SYNPO: variants seen among roughly 807,000 people sequenced by gnomAD.
SYNPO encodes the protein synaptopodin.
A neutral mutation model predicts 49.5 loss-of-function variants in SYNPO; 19 were observed. The ratio of observed to expected loss-of-function variants is 0.38; its 90% CI spans 0.27 to 0.56. SYNPO has a LOEUF of 0.56. Among genes scored for constraint, SYNPO ranks in the 20% least tolerant of loss-of-function variants. SYNPO has a pLI of 0.68. For missense variants in SYNPO, 1,131 were observed against 1,248.3 expected, an observed-to-expected ratio of 0.91 and a Z score of 1.42; for synonymous variants, 536 against 548.0, an observed-to-expected ratio of 0.98 and a Z score of 0.31.
chr5:150,605,571 C>G (rs911115093), intron 1 of SYNPO, among the ~76,000 whole-genome samples: 1 of 152,052 alleles, frequency 6.6e-6, no homozygotes, highest in Admixed American at 6.5e-5. Flanking sequence ...GGGCCTCCTT[C>G]CCAGCTTCAC....
At chr5:150,643,929 C>A (rs747567021) in intron 1 of SYNPO, among the ~76,000 whole-genome samples, 9 of 152,026 alleles carry the variant, frequency 5.9e-5, no homozygotes, top group Non-Finnish European at 8.8e-5. Context: ...AATCCCAGCA[C>A]TTTGGGAGGC....
chr5:150,642,602 G>T (rs1188986151), intron 1 of SYNPO, among the ~76,000 whole-genome samples: 1 of 152,114 alleles, frequency 6.6e-6, no homozygotes, highest in African/African-American at 2.4e-5. Context: ...CTAGTCTGAG[G>T]AATTTTAGAT....
At chr5:150,636,015 G>A (rs1431148877), upstream of SYNPO, among the ~76,000 whole-genome samples, 1 of 152,090 alleles carries the variant, frequency 6.6e-6, no homozygotes, top group Non-Finnish European at 1.5e-5. Context: ...TATATCTCCA[G>A]TCCCTGCTTT....
At chr5:150,634,861 CACCA>C (rs1268746481) in intron 2 of SYNPO, among the ~76,000 whole-genome samples, 3 of 67,634 alleles carry the variant, frequency 4.4e-5, no homozygotes, top group African/African-American at 2.4e-4. Flanking sequence ...CACACACACA[CACCA>C]CACACACACA....
intron 1 of SYNPO, among the ~76,000 whole-genome samples, chr5:150,613,415 T>A (rs968288296): frequency 1.3e-5 from 2 of 152,202 alleles, no homozygotes; most frequent in Non-Finnish European, 2.9e-5. Context: ...TCATCCCCAG[T>A]GGTCCTGCCT....
intron 1 of SYNPO, 22 bp from the exon 2 acceptor site, chr5:150,647,922 G>T: frequency 6.5e-7 from 1 of 1,541,394 alleles, no homozygotes. Flanking sequence ...TTTGCTAACT[G>T]GGCTTTTGTC....
rs770867220 is a variant in SYNPO, at chr5:150,650,028, C to T, written c.1753C>T (p.Pro585Ser). ...TATCAAGGAGCCTGCCAAGGTCTCA[C>T]CAAGAGCTGCCTCGCCCGCCAAGCC... ...SPIKEPAKVS[P>S]RAASPAKPSS... Residue 585 changes from proline (P) to serine (S), a missense_variant, in exon 2 of 3, where the codon CCA (proline) becomes TCA (serine). Around this residue, in one of 4 missense-constraint regions of SYNPO, gnomAD observed 509 missense variants for 484.5 expected, o/e 1.05. Coordinates refer to ENST00000307662, the MANE Select transcript of SYNPO (RefSeq NM_007286.6). The T allele has an allele frequency of 4.3e-6, 7 of 1,612,478 alleles. No individual in the cohort carries two copies. The highest frequency in any genetic ancestry group is 1.3e-5 in the African/African-American group (1 of 74,940).
At chr5:150,615,863 C>T (rs1756969926) in intron 1 of SYNPO, among the ~76,000 whole-genome samples, 1 of 152,214 alleles carries the variant, frequency 6.6e-6, no homozygotes, top group African/African-American at 2.4e-5. Flanking sequence ...GAAGTCACTT[C>T]ACCTATCTGA....
chr5:150,591,815 C>T, the SYNPO span, among the ~76,000 whole-genome samples: 2 of 152,182 alleles, frequency 1.3e-5, no homozygotes, highest in African/African-American at 4.8e-5. Context: ...TAACAAGCGT[C>T]AGAGCTATGT....
chr5:150,604,669 GGCGACT>G (rs937706181), intron 1 of SYNPO, among the ~76,000 whole-genome samples: 1 of 152,200 alleles, frequency 6.6e-6, no homozygotes, highest in African/African-American at 2.4e-5. Flanking sequence ...GAGCTCACCA[GGCGACT>G]GCGTCTCAAC....
intron 2 of SYNPO, among the ~76,000 whole-genome samples, chr5:150,623,196 GT>G (rs945255452): frequency 3.3e-5 from 5 of 152,196 alleles, no homozygotes; most frequent in African/African-American, 1.2e-4. Context: ...TGAAAAGCAT[GT>G]TCTTTTCTCC....
intron 1 of SYNPO, among the ~76,000 whole-genome samples, chr5:150,604,734 G>A (rs995321775): frequency 6.7e-6 from 1 of 148,160 alleles, no homozygotes; most frequent in African/African-American, 2.7e-5. Flanking sequence ...TTCACGAGGT[G>A]GCGGCACAGA....
the SYNPO span, among the ~76,000 whole-genome samples, chr5:150,589,104 T>C: frequency 4.6e-5 from 7 of 151,156 alleles, no homozygotes; most frequent in East Asian, 1.4e-3. Flanking sequence ...CTGTGTTGCC[T>C]AGGCTGGAGT....
chr5:150,633,399 T>TTAGAGCAG (rs1561645725), intron 2 of SYNPO, among the ~76,000 whole-genome samples: 2 of 152,220 alleles, frequency 1.3e-5, no homozygotes, highest in Non-Finnish European at 2.9e-5. Context: ...TGGTAGTGTG[T>TTAGAGCAG]AGCGTTAGGG....
chr5:150,591,710 C>A, the SYNPO span, among the ~76,000 whole-genome samples: 3 of 152,116 alleles, frequency 2.0e-5, no homozygotes, highest in Non-Finnish European at 4.4e-5. Flanking sequence ...TACATAGTAA[C>A]CATGTAAATA....
intron 1 of SYNPO, among the ~76,000 whole-genome samples, chr5:150,615,929 G>A (rs913570627): frequency 2.6e-5 from 4 of 152,212 alleles, no homozygotes; most frequent in African/African-American, 4.8e-5. Context: ...CTCTCATAGG[G>A]TTGATGTGAG....
exon 2 of SYNPO, chr5:150,618,123 C>T: frequency 2.1e-6 from 1 of 473,434 alleles, no homozygotes; most frequent in Non-Finnish European, 3.7e-6. Flanking sequence ...AGCGGCCTCA[C>T]ACCAGAGACG....
At position 150,623,575 on chromosome 5, in the gene SYNPO, C is replaced by T. The variant is rs575405197; in HGVS notation, c.400+4808C>T. 5.3e-5 allele frequency among the ~76,000 whole-genome samples: 8 copies of T among 152,120 alleles called. No individual in the cohort carries two copies. The East Asian group carries it at 1.5e-3, about 29-fold the overall frequency. On this transcript the variant is annotated intron_variant, in intron 2 of 2. Coordinates refer to the SYNPO transcript ENST00000394243. Reference sequence around the variant, plus strand: ...TACAAGATGATGAGAGCAGAGCAGCCACACGATCAGAGGAATTCTCTGAAG... The same window carrying T: ...TACAAGATGATGAGAGCAGAGCAGCTACACGATCAGAGGAATTCTCTGAAG...
chr5:150,648,805 T>C lies in SYNPO; in HGVS notation c.530T>C (p.Ile177Thr), dbSNP rs1581510738. ...TSTFSREATLIPSSRPPASDF... is the reference protein window; with the variant it reads ...TSTFSREATLTPSSRPPASDF... ...ACCTTCTCCAGAGAAGCTACGCTCATCCCCAGCTCCAGGCCCCCAGCCTCA... is the reference window on the plus strand; with the variant it reads ...ACCTTCTCCAGAGAAGCTACGCTCACCCCCAGCTCCAGGCCCCCAGCCTCA... Residue 177 changes from isoleucine (I) to threonine (T), a missense_variant, in exon 2 of 3, where the codon ATC becomes ACC. Transcript: ENST00000307662. This position sits in a 1 kb window ranked among gnomAD's most constrained non-coding sequence, Gnocchi z 5.0. 5 of 1,614,170 alleles carry C rather than the reference T, an allele frequency of 3.1e-6. No individual in the cohort carries two copies. Among genetic ancestry groups the C allele is most frequent in the Non-Finnish European group, 4.2e-6 (5 of 1,180,034 alleles).
Sources: gnomAD v4.1 joint callset for allele counts (sites outside exome capture counted in the v4.1 genomes callset) on GRCh38, gnomAD v4.1.1 for gene constraint, gnomAD v4.1.1 regional missense constraint, Gnocchi (gnomAD v3.1) non-coding constraint, MANE v1.5 for transcripts, NCBI Gene and HGNC (gene_info 2026-07-23, HGNC 2026-07-21) for gene names.